Variants in ABTB2 observed in about 807,000 individuals in gnomAD.
The protein encoded by ABTB2 is ankyrin repeat and BTB/POZ domain-containing protein 2.
Under a neutral mutation model 104.1 loss-of-function variants are expected in ABTB2, and 56 were observed. The ratio of observed to expected loss-of-function variants is 0.54; its 90% CI spans 0.43 to 0.67. The LOEUF (loss-of-function observed/expected upper bound fraction) is 0.67, where lower values mean the gene tolerates loss of function less well. Ranked by LOEUF, ABTB2 falls within the 30% of genes least tolerant of loss-of-function variation. The pLI is 0.00. For missense variants in ABTB2, 1,279 were observed against 1,407.7 expected, an observed-to-expected ratio of 0.91 and a Z score of 1.46; for synonymous variants, 606 against 608.2, an observed-to-expected ratio of 1.00 and a Z score of 0.05.
chr11:34,212,838 G>A (rs949726078), intron 1 of ABTB2, among the ~76,000 whole-genome samples: 6 of 152,218 alleles, frequency 3.9e-5, no homozygotes, highest in Middle Eastern at 3.4e-3. Context: ...AGTCAGGCCC[G>A]GGGCCCAGGA....
intron 1 of ABTB2, among the ~76,000 whole-genome samples, chr11:34,317,667 T>A (rs569986842): frequency 6.8e-6 from 1 of 146,760 alleles, no homozygotes. Context: ...GAGGATGAGG[T>A]GGGAGGATCA....
At chr11:34,225,743 G>A (rs771574479) in intron 1 of ABTB2, among the ~76,000 whole-genome samples, 1 of 151,998 alleles carries the variant, frequency 6.6e-6, no homozygotes, top group African/African-American at 2.4e-5. Context: ...TAACAAGAGT[G>A]AAACTCCACC....
rs1853388124 is a variant in ABTB2, at chr11:34,204,757, C to T, written c.884-67G>A. The T allele has an allele frequency of 3.3e-6, 5 of 1,538,038 alleles. No homozygotes were observed. The East Asian group carries it at 1.1e-4, about 35-fold the overall frequency. ...TGGAAGTTCAGTGGGCCCCAGCCTG[C>T]TGCAGGCAGGGCTCAGCCCTGCTCC... On this transcript the variant is annotated intron_variant, in intron 1 of 16. Coordinates refer to ENST00000435224, the MANE Select transcript of ABTB2 (RefSeq NM_145804.3).
At chr11:34,315,671 C>T (rs1489343581) in intron 1 of ABTB2, among the ~76,000 whole-genome samples, 3 of 152,208 alleles carry the variant, frequency 2.0e-5, no homozygotes, top group Admixed American at 1.3e-4. Flanking sequence ...GAGAGAAGGG[C>T]ACATTCTGGC....
chr11:34,174,986 C>T (rs1852943145), intron 3 of ABTB2, among the ~76,000 whole-genome samples: 1 of 152,268 alleles, frequency 6.6e-6, no homozygotes, highest in African/African-American at 2.4e-5. Flanking sequence ...ACCCCAACTC[C>T]CTCGGGGCTC....
chr11:34,347,752 T>C (rs1380885884), intron 1 of ABTB2, among the ~76,000 whole-genome samples: 1 of 149,950 alleles, frequency 6.7e-6, no homozygotes, highest in Admixed American at 6.7e-5. Flanking sequence ...GAAATCTTTA[T>C]TATCAATGCT....
chr11:34,176,726 T>C (rs2133020793), intron 3 of ABTB2, among the ~76,000 whole-genome samples: 1 of 152,336 alleles, frequency 6.6e-6, no homozygotes, highest in South Asian at 2.1e-4. Flanking sequence ...TAACTTACTA[T>C]AGTGTACCCA....
At chr11:34,191,596 C>T (rs1012330385) in intron 3 of ABTB2, among the ~76,000 whole-genome samples, 4 of 152,164 alleles carry the variant, frequency 2.6e-5, no homozygotes, top group African/African-American at 9.7e-5. Context: ...CCAGGGCAGA[C>T]CTTTATAGGA....
intron 1 of ABTB2, among the ~76,000 whole-genome samples, chr11:34,258,169 C>A (rs1255047882): frequency 6.6e-6 from 1 of 152,188 alleles, no homozygotes; most frequent in Non-Finnish European, 1.5e-5. Context: ...GGTCCCAGGG[C>A]ATACTTTATG....
At chr11:34,308,887 AG>A (rs66642630) in intron 1 of ABTB2, among the ~76,000 whole-genome samples, 5 of 149,298 alleles carry the variant, frequency 3.3e-5, no homozygotes, top group African/African-American at 5.0e-5. Flanking sequence ...AAAAAAAAAA[AG>A]AAAAGAGAAA....
chr11:34,213,436 CT>C (rs1188907732), intron 1 of ABTB2, among the ~76,000 whole-genome samples: 15 of 152,248 alleles, frequency 9.9e-5, no homozygotes, highest in Middle Eastern at 3.4e-3. Context: ...GCCGAGATCG[CT>C]GCCACTGCAC....
At chr11:34,187,499 C>CTTTT (rs33924050) in intron 3 of ABTB2, among the ~76,000 whole-genome samples, 46 of 140,676 alleles carry the variant, frequency 3.3e-4, no homozygotes, top group African/African-American at 1.2e-3. Context: ...TCTTCTTTGC[C>CTTTT]TTTTTTTTTT....
At chr11:34,307,744 G>A (rs190130207) in intron 1 of ABTB2, among the ~76,000 whole-genome samples, 1 of 151,706 alleles carries the variant, frequency 6.6e-6, no homozygotes, top group Admixed American at 6.6e-5. Flanking sequence ...TGTCGCCCAG[G>A]CTGGAGTGCA....
At chr11:34,303,936 C>T (rs371364326) in intron 1 of ABTB2, among the ~76,000 whole-genome samples, 79 of 152,252 alleles carry the variant, frequency 5.2e-4, no homozygotes, top group African/African-American at 1.9e-3. Context: ...AGCCACCACG[C>T]CTGGCCTCAG....
chr11:34,282,101 C>A (rs2611105), intron 1 of ABTB2, among the ~76,000 whole-genome samples: 1,652 of 152,204 alleles, frequency 0.011, 28 homozygotes, highest in African/African-American at 0.037. Flanking sequence ...GATAAGTGTC[C>A]AATGAGGGCC....
At chr11:34,162,535 T>C (rs1667701025) in intron 10 of ABTB2, 41 bp downstream of exon 10, 1 of 1,572,100 alleles carries the variant, frequency 6.4e-7, no homozygotes, top group Non-Finnish European at 8.7e-7. Context: ...TGTGTCCATA[T>C]GCATGCATGG....
intron 1 of ABTB2, among the ~76,000 whole-genome samples, chr11:34,239,714 G>A (rs1207850101): frequency 6.6e-6 from 1 of 152,144 alleles, no homozygotes. Flanking sequence ...AGGCCTTTCT[G>A]TGTAGCCCTG....
chr11:34,277,487 A>C (rs1009446697), intron 1 of ABTB2, among the ~76,000 whole-genome samples: 11 of 151,902 alleles, frequency 7.2e-5, no homozygotes, highest in Non-Finnish European at 4.4e-5. Flanking sequence ...TTTAAAAAAA[A>C]AAACAAACAG....
At chr11:34,208,953 T>A (rs1043728337) in intron 1 of ABTB2, among the ~76,000 whole-genome samples, 4 of 152,002 alleles carry the variant, frequency 2.6e-5, no homozygotes, top group African/African-American at 9.7e-5. Context: ...TTCCCCTTAC[T>A]CTGGTCACCT....
Sources: allele counts gnomAD v4.1 joint callset (sites outside exome capture counted in the v4.1 genomes callset), GRCh38; gene constraint gnomAD v4.1.1; transcripts MANE v1.5; gene names NCBI Gene and HGNC (gene_info 2026-07-23, HGNC 2026-07-21).